Variants in CHST11 observed in about 807,000 individuals in gnomAD.
CHST11 encodes the protein carbohydrate sulfotransferase 11, also known as C4S-1.
A neutral mutation model predicts 30.4 loss-of-function variants in CHST11; 9 were observed. The observed-to-expected ratio is 0.30, with a 90% CI of 0.18 to 0.52. The LOEUF (loss-of-function observed/expected upper bound fraction) is 0.52, where lower values mean the gene tolerates loss of function less well. Ranked by LOEUF, CHST11 falls within the 20% of genes least tolerant of loss-of-function variation. The pLI is 0.97. For missense variants in CHST11, 348 were observed against 460.6 expected (o/e 0.76, Z 2.24); for synonymous variants, 152 against 187.8 (o/e 0.81, Z 1.56).
chr12:104,586,071 G>T (rs185356497), intron 1 of CHST11, among the ~76,000 whole-genome samples: 19 of 152,246 alleles, frequency 1.2e-4, no homozygotes, highest in African/African-American at 7.2e-5. Flanking sequence ...AAGGGACACT[G>T]TGCAATCCAC....
At chr12:104,555,523 A>C (rs1476231038) in intron 1 of CHST11, among the ~76,000 whole-genome samples, 1 of 152,154 alleles carries the variant, frequency 6.6e-6, no homozygotes, top group Non-Finnish European at 1.5e-5. Context: ...ATTTTATAGA[A>C]GACACTGTTC....
chr12:104,488,895 A>G (rs535681428), intron 1 of CHST11, among the ~76,000 whole-genome samples: 1 of 152,152 alleles, frequency 6.6e-6, no homozygotes, highest in South Asian at 2.1e-4. Flanking sequence ...GGATCAAGAT[A>G]TTGGTAGGTT....
At chr12:104,718,901 AG>A (rs1419666801) in intron 2 of CHST11, among the ~76,000 whole-genome samples, 1 of 152,196 alleles carries the variant, frequency 6.6e-6, no homozygotes, top group Non-Finnish European at 1.5e-5. Context: ...TTGAGGAGCA[AG>A]GCAGAAGTTA....
At chr12:104,657,009 CTT>C (rs11431861) in intron 2 of CHST11, among the ~76,000 whole-genome samples, 1 of 148,708 alleles carries the variant, frequency 6.7e-6, no homozygotes, top group African/African-American at 2.5e-5. Context: ...AAACTTCATC[CTT>C]TTTTTTTTTT....
chr12:104,537,376 T>C (rs1479887094), intron 1 of CHST11, among the ~76,000 whole-genome samples: 1 of 151,784 alleles, frequency 6.6e-6, no homozygotes, highest in Non-Finnish European at 1.5e-5. Flanking sequence ...GCATGTGGCT[T>C]TCCACGACAT....
rs1248741704 is a variant in CHST11, at chr12:104,676,515, A to G, written c.204+74524A>G. ...CTGCAACCTCCGCCTCCCGGGTTCAAGGGATTATTCTGCCCCAGCCTCCCA... is the reference window on the plus strand; with the variant it reads ...CTGCAACCTCCGCCTCCCGGGTTCAGGGGATTATTCTGCCCCAGCCTCCCA... On this transcript the variant is annotated intron_variant, in intron 2 of 2. Transcript: ENST00000303694. This position sits in a 1 kb window ranked among gnomAD's most constrained non-coding sequence, Gnocchi z 4.4. 6.6e-6 allele frequency among the ~76,000 whole-genome samples: 1 copy of G among 152,334 alleles called. No individual in the cohort carries two copies. The highest frequency in any genetic ancestry group is 2.1e-4 in the South Asian group (1 of 4,826).
chr12:104,644,632 G>C (rs1230058230), intron 2 of CHST11, among the ~76,000 whole-genome samples: 1 of 152,266 alleles, frequency 6.6e-6, no homozygotes, highest in African/African-American at 2.4e-5. Context: ...GCGATGAAGA[G>C]GGTCAGGTTT....
At chr12:104,625,335 G>A (rs1189626020) in intron 2 of CHST11, among the ~76,000 whole-genome samples, 1 of 152,046 alleles carries the variant, frequency 6.6e-6, no homozygotes, top group African/African-American at 2.4e-5. Context: ...ACGGAGTTTC[G>A]CTCTTGTCGC....
intron 2 of CHST11, among the ~76,000 whole-genome samples, chr12:104,726,429 T>C (rs2040217375): frequency 6.6e-6 from 1 of 152,134 alleles, no homozygotes; most frequent in African/African-American, 2.4e-5. Context: ...ACTAAGGGGC[T>C]TGTAATTAAA....
chr12:104,462,468 A>G (rs1212820264), intron 1 of CHST11, among the ~76,000 whole-genome samples: 1 of 152,174 alleles, frequency 6.6e-6, no homozygotes, highest in East Asian at 1.9e-4. Context: ...GTTTAAATGT[A>G]TAGACTTGCA....
intron 1 of CHST11, among the ~76,000 whole-genome samples, chr12:104,509,844 A>C (rs2037945913): frequency 6.6e-6 from 1 of 152,250 alleles, no homozygotes; most frequent in African/African-American, 2.4e-5. Context: ...CGTAAGCCCC[A>C]AAATCTTGGT....
At chr12:104,560,501 C>T (rs189562929) in intron 1 of CHST11, among the ~76,000 whole-genome samples, 9 of 151,964 alleles carry the variant, frequency 5.9e-5, no homozygotes, top group Admixed American at 2.0e-4. Flanking sequence ...GGATCAGCAC[C>T]GGGAAGCATC....
intron 1 of CHST11, among the ~76,000 whole-genome samples, chr12:104,574,225 G>A (rs2038659306): frequency 6.6e-6 from 1 of 152,194 alleles, no homozygotes; most frequent in South Asian, 2.1e-4. Context: ...GTGCTGGAGA[G>A]GATGTGGAGA....
At chr12:104,544,278 A>C (rs2038320740) in intron 1 of CHST11, among the ~76,000 whole-genome samples, 1 of 152,198 alleles carries the variant, frequency 6.6e-6, no homozygotes, top group Admixed American at 6.5e-5. Context: ...GTCTAGGCTA[A>C]TTTCTTAGAA....
At chr12:104,538,070 C>T (rs1235996552) in intron 1 of CHST11, among the ~76,000 whole-genome samples, 2 of 152,118 alleles carry the variant, frequency 1.3e-5, no homozygotes, top group African/African-American at 4.8e-5. Flanking sequence ...AACTGATGAC[C>T]ATATTTTACT....
At chr12:104,747,394 T>TA (rs1486259587) in intron 2 of CHST11, among the ~76,000 whole-genome samples, 1 of 152,194 alleles carries the variant, frequency 6.6e-6, no homozygotes, top group Non-Finnish European at 1.5e-5. Flanking sequence ...ACCTACCTCA[T>TA]AGAGTGTGAA....
At chr12:104,550,822 C>T (rs942017277) in intron 1 of CHST11, among the ~76,000 whole-genome samples, 1 of 152,144 alleles carries the variant, frequency 6.6e-6, no homozygotes, top group South Asian at 2.1e-4. Flanking sequence ...TGTCGTTGGG[C>T]CACTTTATGT....
chr12:104,583,870 A>G (rs2038774535), intron 1 of CHST11, among the ~76,000 whole-genome samples: 3 of 151,978 alleles, frequency 2.0e-5, no homozygotes, highest in South Asian at 2.1e-4. Context: ...CTGCCACCAC[A>G]CCCAGCTAAT....
At chr12:104,643,798 G>T (rs61938618) in intron 2 of CHST11, among the ~76,000 whole-genome samples, 1 of 152,150 alleles carries the variant, frequency 6.6e-6, no homozygotes, top group Non-Finnish European at 1.5e-5. Flanking sequence ...TCTCATGAGC[G>T]TGTTTTCCAG....
Sources: allele counts gnomAD v4.1 joint callset (sites outside exome capture counted in the v4.1 genomes callset), GRCh38; gene constraint gnomAD v4.1.1; non-coding constraint Gnocchi (gnomAD v3.1); transcripts MANE v1.5; gene names NCBI Gene and HGNC (gene_info 2026-07-23, HGNC 2026-07-21).